Variants in RRBP1 observed in about 807,000 individuals in gnomAD.
RRBP1 encodes the protein ribosome-binding protein 1.
A neutral mutation model predicts 165.2 loss-of-function variants in RRBP1; 94 were observed. The ratio of observed to expected loss-of-function variants is 0.57; its 90% CI spans 0.48 to 0.68. The LOEUF (loss-of-function observed/expected upper bound fraction) is 0.68, where lower values mean the gene tolerates loss of function less well. Ranked by LOEUF, RRBP1 falls within the 30% of genes least tolerant of loss-of-function variation. The pLI, the probability that RRBP1 is intolerant of heterozygous loss-of-function variation, is 0.00. For missense variants in RRBP1, 1,676 were observed against 1,763.0 expected (o/e 0.95, Z 0.88); for synonymous variants, 680 against 714.5 (o/e 0.95, Z 0.77).
At chr20:17,644,642 A>G (rs2036430231) in intron 3 of RRBP1, among the ~76,000 whole-genome samples, 1 of 152,100 alleles carries the variant, frequency 6.6e-6, no homozygotes, top group East Asian at 1.9e-4. Context: ...CTGCAAGGAC[A>G]TTTCCCCCTC....
At chr20:17,626,483 A>G (rs1286697752) in intron 11 of RRBP1, among the ~76,000 whole-genome samples, 1 of 152,116 alleles carries the variant, frequency 6.6e-6, no homozygotes, top group Admixed American at 6.5e-5. Context: ...TGGCCTGGGG[A>G]GCTGCCTCTG....
chr20:17,680,763 G>A (rs527785680), intron 1 of RRBP1, among the ~76,000 whole-genome samples: 4 of 151,966 alleles, frequency 2.6e-5, no homozygotes, highest in Non-Finnish European at 5.9e-5. Context: ...CCGCAGTGCC[G>A]GAGCCAGGCC....
Position 17,629,943 on chromosome 20 carries a change from C to G in RRBP1, c.2629G>C (p.Glu877Gln). ...TCCAGGCGCTTCTGCAGGGCCTCCT[C>G]ACTCTCCCTGTGGGACGCCTGGGGA... The part of the protein sequence containing the change: ...LQLQASHRES[E>Q]EALQKRLDEV... Residue 877 changes from glutamate to glutamine, a missense_variant, in exon 9 of 25, where the codon GAG becomes CAG. Around this residue, in one of 5 missense-constraint regions of RRBP1, gnomAD observed 1,184 missense variants for 1,167.1 expected, o/e 1.01. Coordinates refer to ENST00000377813, the MANE Select transcript of RRBP1 (RefSeq NM_001365613.2). 1.9e-6 allele frequency: 3 copies of G among 1,598,444 alleles called. No homozygotes were observed. The highest frequency in any genetic ancestry group is 2.5e-6 in the Non-Finnish European group (3 of 1,178,396).
chr20:17,629,361 CTTGTA>C (rs1462212544), intron 9 of RRBP1, among the ~76,000 whole-genome samples: 1 of 152,242 alleles, frequency 6.6e-6, no homozygotes, highest in Non-Finnish European at 1.5e-5. Context: ...GAACCACAGG[CTTGTA>C]AATCCTGCCT....
At chr20:17,650,710 A>G (rs769601225) in intron 3 of RRBP1, among the ~76,000 whole-genome samples, 4 of 152,202 alleles carry the variant, frequency 2.6e-5, no homozygotes, top group Non-Finnish European at 5.9e-5. Flanking sequence ...CAGAATGTAC[A>G]TATGTACTTC....
At chr20:17,665,427 A>G (rs1004756528) in intron 2 of RRBP1, among the ~76,000 whole-genome samples, 1 of 152,168 alleles carries the variant, frequency 6.6e-6, no homozygotes, top group African/African-American at 2.4e-5. Context: ...GCTGGAGCTC[A>G]GTGGCATGAT....
In RRBP1 at chr20:17,619,680, C is replaced by T. The variant is rs757873725; in HGVS notation, c.3628G>A (p.Ala1210Thr). Residue 1210 changes from alanine (A) to threonine (T), a missense_variant, in exon 19 of 25, where the codon GCG (alanine) becomes ACG (threonine). Around this residue, in one of 5 missense-constraint regions of RRBP1, gnomAD observed 1,184 missense variants for 1,167.1 expected, o/e 1.01. Transcript: ENST00000377813. ...HLEAELEKHM[A>T]AASAECQNYA... is the part of the protein sequence containing the mutation. ...TTCTGGCACTCGGCGCTGGCGGCCG[C>T]CATGTGCTTTTCCAGCTCTGCCTCC... The T allele has an allele frequency of 3.0e-5, 49 of 1,612,934 alleles. No individual in the cohort carries two copies. In the East Asian group the frequency reaches 1.1e-3, roughly 36 times the overall value.
In RRBP1 at chr20:17,624,618, C is replaced by T. The variant is rs1235885023; in HGVS notation, c.3105G>A (p.Glu1035=). The T allele has an allele frequency of 6.3e-7, 1 of 1,592,702 alleles. No individual in the cohort carries two copies. Among genetic ancestry groups the T allele is most frequent in the East Asian group, 2.3e-5 (1 of 44,168 alleles). ...AGAGCAGCTTCTCCTTGCAGGCCTG[C>T]TCGGCCGTGGCCAGTGCCTCCATGG... The part of the protein sequence containing the change: ...WKAMEALATA[E]QACKEKLLSL... The change falls in exon 13 of 25, where the codon GAG becomes GAA. Residue 1035 remains glutamate, a synonymous_variant. Coordinates refer to ENST00000377813, the MANE Select transcript of RRBP1 (RefSeq NM_001365613.2).
At chr20:17,630,040 G>C (rs1270829861) in intron 8 of RRBP1, 79 bp from the exon 9 acceptor site, 3 of 1,482,638 alleles carry the variant, frequency 2.0e-6, no homozygotes, top group Non-Finnish European at 1.8e-6. Context: ...GAGGCGGACA[G>C]AGCTCTTTAC....
intron 13 of RRBP1, 90 bp from the exon 14 acceptor site, chr20:17,622,037 GC>G: frequency 1.1e-6 from 1 of 942,348 alleles, no homozygotes; most frequent in Non-Finnish European, 1.7e-6. Context: ...CCGGGTCTCT[GC>G]CCCAGAAAGG....
intron 20 of RRBP1, 45 bp downstream of exon 20, chr20:17,618,551 C>T (rs369626921): frequency 8.6e-5 from 122 of 1,421,774 alleles, no homozygotes; most frequent in Middle Eastern, 3.5e-4. Context: ...ACACACGCAA[C>T]GCCCCAGGTC....
intron 2 of RRBP1, among the ~76,000 whole-genome samples, chr20:17,663,615 G>A (rs551534115): frequency 2.6e-5 from 4 of 152,296 alleles, no homozygotes; most frequent in Admixed American, 6.5e-5. Flanking sequence ...CAAAGAAATC[G>A]AAATGAAAAA....
At chr20:17,631,577 T>TC (rs777074753) in intron 8 of RRBP1, among the ~76,000 whole-genome samples, 3 of 152,182 alleles carry the variant, frequency 2.0e-5, no homozygotes, top group Non-Finnish European at 4.4e-5. Context: ...CAGAAGCGGG[T>TC]CCCGTGGCTG....
intron 2 of RRBP1, among the ~76,000 whole-genome samples, chr20:17,672,781 A>T (rs924757124): frequency 4.6e-5 from 7 of 152,226 alleles, no homozygotes; most frequent in African/African-American, 1.7e-4. Context: ...GAATAAACTC[A>T]TATATTCACA....
chr20:17,615,326 C>T (rs1006664076), intron 23 of RRBP1, 105 bp downstream of exon 23: 9 of 879,554 alleles, frequency 1.0e-5, no homozygotes, highest in African/African-American at 6.9e-5. Flanking sequence ...GGGCAGGTCC[C>T]GGTGGGGTCG....
chr20:17,678,079 A>AC (rs2037115211), intron 2 of RRBP1, among the ~76,000 whole-genome samples: 1 of 152,228 alleles, frequency 6.6e-6, no homozygotes. Flanking sequence ...GACAGGTGGA[A>AC]GACACATGTT....
intron 2 of RRBP1, among the ~76,000 whole-genome samples, chr20:17,677,398 C>T (rs1257545886): frequency 3.9e-5 from 6 of 152,198 alleles, no homozygotes; most frequent in Admixed American, 3.9e-4. Context: ...AGAAAGAGAT[C>T]AAGTAGCTGT....
chr20:17,633,986 A>C (rs1484594162), intron 7 of RRBP1, among the ~76,000 whole-genome samples: 3 of 152,206 alleles, frequency 2.0e-5, no homozygotes, highest in African/African-American at 7.2e-5. Flanking sequence ...GCAGCAGCCC[A>C]CGGAGTCCAC....
intron 13 of RRBP1, 60 bp from the exon 14 acceptor site, chr20:17,622,007 C>A: frequency 3.9e-6 from 5 of 1,288,876 alleles, no homozygotes; most frequent in Non-Finnish European, 5.6e-6. Context: ...GGGCACCTCC[C>A]CAGGTCTTTA....
Sources: gnomAD v4.1 joint callset for allele counts (sites outside exome capture counted in the v4.1 genomes callset) on GRCh38, gnomAD v4.1.1 for gene constraint, gnomAD v4.1.1 regional missense constraint, MANE v1.5 for transcripts, NCBI Gene and HGNC (gene_info 2026-07-23, HGNC 2026-07-21) for gene names.